Variants in RFX4 observed in about 807,000 individuals in gnomAD.
The protein encoded by RFX4 is regulatory factor X4.
A neutral mutation model predicts 95.0 loss-of-function variants in RFX4; 10 were observed. That is an observed-to-expected ratio of 0.11 (90% CI 0.06 to 0.18). The LOEUF (loss-of-function observed/expected upper bound fraction) is 0.18, where lower values mean the gene tolerates loss of function less well. RFX4 is among the 10% of genes least tolerant of loss of function. RFX4 has a pLI of 1.00. For synonymous variants in RFX4, 321 were observed against 340.7 expected (o/e 0.94, Z 0.64); for missense variants, 640 against 922.0 (o/e 0.69, Z 3.96).
intron 2 of RFX4, among the ~76,000 whole-genome samples, chr12:106,638,293 C>A (rs2040554631): frequency 6.6e-6 from 1 of 152,196 alleles, no homozygotes; most frequent in Admixed American, 6.5e-5. Context: ...CAGATGTGAG[C>A]CACTGTGCCT....
intron 4 of RFX4, among the ~76,000 whole-genome samples, chr12:106,670,877 T>G (rs1041757407): frequency 5.3e-5 from 8 of 152,212 alleles, no homozygotes; most frequent in Non-Finnish European, 2.9e-5. Context: ...ATATCCTGCT[T>G]TCAGAGTTAA....
intron 4 of RFX4, among the ~76,000 whole-genome samples, chr12:106,679,398 T>G (rs1053642487): frequency 4.6e-5 from 7 of 151,798 alleles, no homozygotes; most frequent in Non-Finnish European, 8.8e-5. Flanking sequence ...GAGGTTGCAG[T>G]GAGCTGAGCC....
intron 4 of RFX4, among the ~76,000 whole-genome samples, chr12:106,678,133 G>A (rs10507212): frequency 0.14 from 20,558 of 152,186 alleles, 1,618 homozygotes; most frequent in East Asian, 0.27. Flanking sequence ...ATCACAGTGC[G>A]TAGAATCACA....
chr12:106,676,019 C>T (rs776761129), intron 4 of RFX4, among the ~76,000 whole-genome samples: 1 of 152,124 alleles, frequency 6.6e-6, no homozygotes, highest in Non-Finnish European at 1.5e-5. Flanking sequence ...GAGACTATGG[C>T]AGCACTCCAG....
At chr12:106,704,206 A>C (rs1212677150) in intron 8 of RFX4, among the ~76,000 whole-genome samples, 1 of 152,136 alleles carries the variant, frequency 6.6e-6, no homozygotes, top group Non-Finnish European at 1.5e-5. Flanking sequence ...TTGATTGATT[A>C]CTACAATGTG....
intron 2 of RFX4, among the ~76,000 whole-genome samples, chr12:106,609,368 C>T (rs1237754730): frequency 6.6e-6 from 1 of 152,214 alleles, no homozygotes; most frequent in Non-Finnish European, 1.5e-5. Flanking sequence ...TGTGTTTACA[C>T]CTTGTCCTGT....
At chr12:106,668,461 G>C (rs1227750227) in intron 4 of RFX4, among the ~76,000 whole-genome samples, 1 of 152,088 alleles carries the variant, frequency 6.6e-6, no homozygotes, top group African/African-American at 2.4e-5. Flanking sequence ...GTGCAATGGT[G>C]CAGGCTCATA....
chr12:106,710,006 C>T (rs1230355371), intron 9 of RFX4, among the ~76,000 whole-genome samples: 2 of 152,204 alleles, frequency 1.3e-5, no homozygotes, highest in Non-Finnish European at 2.9e-5. Context: ...GGGATTGAGA[C>T]TGTGAACCTT....
intron 7 of RFX4, among the ~76,000 whole-genome samples, chr12:106,691,024 G>A (rs181364306): frequency 1.8e-4 from 28 of 152,304 alleles, no homozygotes; most frequent in Middle Eastern, 3.4e-3. Context: ...AGGATGGGGG[G>A]AAGGCATGTA....
intron 2 of RFX4, among the ~76,000 whole-genome samples, chr12:106,628,551 A>G (rs2040350748): frequency 6.6e-6 from 1 of 152,048 alleles, no homozygotes; most frequent in Admixed American, 6.6e-5. Context: ...TAATTTGTTC[A>G]TGCTTAAAAG....
intron 1 of RFX4, among the ~76,000 whole-genome samples, chr12:106,603,289 T>G (rs917433829): frequency 1.3e-5 from 2 of 152,246 alleles, no homozygotes; most frequent in Admixed American, 1.3e-4. Flanking sequence ...TTCTGGGTTA[T>G]TCTTTGCTGC....
At chr12:106,760,848 T>G (rs563473413) in intron 17 of RFX4, among the ~76,000 whole-genome samples, 7 of 152,100 alleles carry the variant, frequency 4.6e-5, no homozygotes, top group African/African-American at 1.7e-4. Context: ...GGACATGCAG[T>G]TACTAGTGTA....
intron 11 of RFX4, among the ~76,000 whole-genome samples, chr12:106,718,480 T>C (rs369068969): frequency 2.6e-5 from 4 of 152,206 alleles, no homozygotes; most frequent in African/African-American, 9.6e-5. Context: ...CTTTCTTCAC[T>C]TGTAAAATGG....
At chr12:106,704,664 A>G (rs2042049986) in intron 8 of RFX4, among the ~76,000 whole-genome samples, 1 of 152,212 alleles carries the variant, frequency 6.6e-6, no homozygotes, top group Non-Finnish European at 1.5e-5. Context: ...AAAAGACACT[A>G]TGATAGAGAT....
chr12:106,604,533 C>T (rs1161201903), intron 1 of RFX4, among the ~76,000 whole-genome samples: 2 of 148,486 alleles, frequency 1.3e-5, no homozygotes, highest in Non-Finnish European at 3.0e-5. Context: ...CTTTTCCATG[C>T]CTTATGTGGT....
intron 4 of RFX4, among the ~76,000 whole-genome samples, chr12:106,677,574 G>T (rs2041418721): frequency 1.3e-5 from 2 of 152,108 alleles, no homozygotes; most frequent in Admixed American, 1.3e-4. Flanking sequence ...GCCGGGTGTG[G>T]TGCATGTACC....
chr12:106,682,358 C>A, intron 5 of RFX4: 1 of 421,856 alleles, frequency 2.4e-6, no homozygotes, highest in South Asian at 3.5e-5. Context: ...GCCTTGTGGC[C>A]TCTTGGAGGA....
chr12:106,584,744 T>C (rs1260136697), intron 1 of RFX4, among the ~76,000 whole-genome samples: 1 of 152,214 alleles, frequency 6.6e-6, no homozygotes, highest in Non-Finnish European at 1.5e-5. Context: ...CGGACTGCTC[T>C]TGCCAGGGGG....
intron 1 of RFX4, among the ~76,000 whole-genome samples, chr12:106,599,777 A>G (rs528256014): frequency 7.2e-5 from 11 of 152,020 alleles, no homozygotes; most frequent in South Asian, 2.1e-4. Context: ...GCGGCCTCCT[A>G]CAGAGGGGGA....
Sources: allele counts gnomAD v4.1 joint callset (sites outside exome capture counted in the v4.1 genomes callset), GRCh38; gene constraint gnomAD v4.1.1; transcripts MANE v1.5; gene names NCBI Gene and HGNC (gene_info 2026-07-23, HGNC 2026-07-21).